CPM: variants seen among roughly 807,000 people sequenced by gnomAD.
The protein encoded by CPM is renal carboxypeptidase.
In CPM, 35 loss-of-function variants were observed where a neutral mutation model predicts 46.4. That is an observed-to-expected ratio of 0.75 (90% CI 0.58 to 1.00). CPM has a LOEUF of 1.00. Ranked by LOEUF, CPM falls within the 50% of genes least tolerant of loss-of-function variation. CPM has a pLI of 0.00. For synonymous variants in CPM, 195 were observed against 195.3 expected, an observed-to-expected ratio of 1.00 and a Z score of 0.01; for missense variants, 422 against 530.4, an observed-to-expected ratio of 0.80 and a Z score of 2.01.
intron 2 of CPM, chr12:68,914,057 T>C: frequency 1.5e-6 from 1 of 669,348 alleles, no homozygotes; most frequent in Non-Finnish European, 2.8e-6. Flanking sequence ...CAGGTATAAA[T>C]GCTATAAACA....
intron 5 of CPM, chr12:68,842,689 T>C (rs1592606956): frequency 4.9e-6 from 1 of 203,498 alleles, no homozygotes; most frequent in Admixed American, 5.5e-5. Flanking sequence ...TTATGGCTAG[T>C]GATATATATA....
At chr12:68,905,508 T>C (rs921736015) in intron 2 of CPM, among the ~76,000 whole-genome samples, 2 of 152,060 alleles carry the variant, frequency 1.3e-5, no homozygotes, top group African/African-American at 4.8e-5. Flanking sequence ...CTTGAACTCC[T>C]GGGCTCAAGT....
chr12:68,894,903 C>T (rs556291453), intron 2 of CPM, among the ~76,000 whole-genome samples: 17 of 151,544 alleles, frequency 1.1e-4, no homozygotes, highest in South Asian at 8.3e-4. Context: ...CATGGTGGTG[C>T]GTGTAATCCC....
chr12:68,939,215 GAT>G (rs2136329429), intron 1 of CPM, among the ~76,000 whole-genome samples: 1 of 145,050 alleles, frequency 6.9e-6, no homozygotes, highest in East Asian at 2.0e-4. Flanking sequence ...TAATGTATAT[GAT>G]GTCTATACAT....
chr12:68,959,913 A>G (rs1320907328), intron 1 of CPM, among the ~76,000 whole-genome samples: 1 of 152,226 alleles, frequency 6.6e-6, no homozygotes, highest in Non-Finnish European at 1.5e-5. Context: ...TTTACAAGAA[A>G]AATCGGTTAG....
upstream of CPM, among the ~76,000 whole-genome samples, chr12:68,934,958 T>G (rs994663216): frequency 2.6e-5 from 4 of 152,150 alleles, no homozygotes; most frequent in Admixed American, 1.3e-4. Context: ...TGTTGCCCAG[T>G]CTGGAGTGCA....
intron 2 of CPM, among the ~76,000 whole-genome samples, chr12:68,931,768 A>AAAGG (rs1888519983): frequency 8.8e-6 from 1 of 113,734 alleles, no homozygotes; most frequent in African/African-American, 4.4e-5. Context: ...AAAAAAAAAG[A>AAAGG]AAGAAAGAAA....
chr12:68,959,144 G>A (rs1402934133), intron 1 of CPM, among the ~76,000 whole-genome samples: 1 of 152,138 alleles, frequency 6.6e-6, no homozygotes, highest in Non-Finnish European at 1.5e-5. Context: ...ACCTCAGAAT[G>A]TGAATGCCAT....
intron 3 of CPM, 116 bp downstream of exon 3, chr12:68,885,676 G>A: frequency 1.2e-6 from 1 of 827,486 alleles, no homozygotes; most frequent in Non-Finnish European, 1.9e-6. Context: ...TTGCTTCTTT[G>A]TACAATGCAT....
chr12:68,935,014 A>G (rs1359167672), upstream of CPM, among the ~76,000 whole-genome samples: 1 of 151,800 alleles, frequency 6.6e-6, no homozygotes, highest in Non-Finnish European at 1.5e-5. Context: ...GGTTCAAGCA[A>G]TTCTCCTGCC....
chr12:68,940,854 A>C (rs1206610255), intron 1 of CPM, among the ~76,000 whole-genome samples: 1 of 152,186 alleles, frequency 6.6e-6, no homozygotes, highest in Non-Finnish European at 1.5e-5. Flanking sequence ...TAAAACATAT[A>C]AAATTACCAT....
At position 68,932,663 on chromosome 12, in the gene CPM, C is replaced by A; in HGVS notation, c.160+15G>T. ...GACTGAGGGTTTGGCAAAGTGTTCA[C>A]GAGACGGACCCTACCTTTCACAGAT... On this transcript the variant is annotated intron_variant, in intron 2 of 8. Coordinates refer to ENST00000551568, the MANE Select transcript of CPM (RefSeq NM_198320.5). 6.2e-7 allele frequency: 1 copy of A among 1,612,606 alleles called. No individual in the cohort carries two copies. The highest frequency in any genetic ancestry group is 8.5e-7 in the Non-Finnish European group (1 of 1,178,862).
rs374710679 is a variant in CPM at position 68,856,412 on chromosome 12, T to C, written c.*25A>G. ...AGCAATCCCTGATTCCAGGTGGTGA[T>C]GTGGGTTGAGTTTCACATTTTACTT... On this transcript the variant is annotated 3_prime_UTR_variant, in exon 9 of 9. Transcript: ENST00000551568. The C allele has an allele frequency of 3.1e-6, 5 of 1,603,498 alleles. No homozygotes were observed. Among genetic ancestry groups the C allele is most frequent in the Non-Finnish European group, 4.3e-6 (5 of 1,174,054 alleles).
intron 7 of CPM, among the ~76,000 whole-genome samples, chr12:68,863,657 A>G (rs117084968): frequency 0.014 from 2,082 of 152,252 alleles, 28 homozygotes; most frequent in Non-Finnish European, 0.019. Context: ...CAAGATTGCA[A>G]ACATCGCCAG....
intron 1 of CPM, chr12:68,957,652 A>G (rs772710332): frequency 6.5e-6 from 1 of 153,274 alleles, no homozygotes; most frequent in Non-Finnish European, 1.5e-5. Flanking sequence ...TTGAGCCATG[A>G]CTCCTCTTTT....
chr12:68,963,411 G>A (rs1889154827), upstream of CPM: 1 of 152,608 alleles, frequency 6.6e-6, no homozygotes, highest in Admixed American at 6.5e-5. Context: ...CATTCTGAAG[G>A]TTCCCATGTA....
chr12:68,845,403 G>A (rs60553748), intron 5 of CPM: 4 of 209,120 alleles, frequency 1.9e-5, no homozygotes, highest in East Asian at 1.5e-4. Context: ...GCTAACAAAC[G>A]AAAGGCAAAA....
chr12:68,848,630 A>C (rs983301112), downstream of CPM: 1 of 152,232 alleles, frequency 6.6e-6, no homozygotes, highest in Non-Finnish European at 1.5e-5. Flanking sequence ...TGCTCCCTAC[A>C]AAAAAGGCCT....
At chr12:68,948,623 C>T (rs1342640614) in intron 1 of CPM, among the ~76,000 whole-genome samples, 1 of 152,068 alleles carries the variant, frequency 6.6e-6, no homozygotes, top group African/African-American at 2.4e-5. Flanking sequence ...AACCCCCAGT[C>T]AGAATGAAGC....
Sources: gnomAD v4.1 joint callset for allele counts (sites outside exome capture counted in the v4.1 genomes callset) on GRCh38, gnomAD v4.1.1 for gene constraint, MANE v1.5 for transcripts, NCBI Gene and HGNC (gene_info 2026-07-23, HGNC 2026-07-21) for gene names.